The following ASAP1 variants were observed in gnomAD, a reference collection of about 807,000 sequenced individuals.
ASAP1 encodes the protein arf-GAP with SH3 domain, ANK repeat and PH domain-containing protein 1.
A neutral mutation model predicts 145.2 loss-of-function variants in ASAP1; 43 were observed. That is an observed-to-expected ratio of 0.30 (90% CI 0.23 to 0.38). The LOEUF (loss-of-function observed/expected upper bound fraction) is 0.38, where lower values mean the gene tolerates loss of function less well. Among genes scored for constraint, ASAP1 ranks in the 10% least tolerant of loss-of-function variants. The pLI, the probability that ASAP1 is intolerant of heterozygous loss-of-function variation, is 1.00. For synonymous variants in ASAP1, 546 were observed against 515.5 expected (o/e 1.06, Z -0.80); for missense variants, 1,018 against 1,355.3 (o/e 0.75, Z 3.91).
chr8:130,111,516 C>A (rs2097546861), intron 24 of ASAP1, among the ~76,000 whole-genome samples: 1 of 152,150 alleles, frequency 6.6e-6, no homozygotes, highest in Non-Finnish European at 1.5e-5. Flanking sequence ...TCACATGATG[C>A]CAGTAACTGC....
At chr8:130,095,231 A>C (rs1034848544) in intron 24 of ASAP1, among the ~76,000 whole-genome samples, 2 of 151,372 alleles carry the variant, frequency 1.3e-5, no homozygotes, top group African/African-American at 4.9e-5. Context: ...GGTTTCGTGT[A>C]GAGTAAATAT....
chr8:130,091,686 T>C (rs1472306830), intron 25 of ASAP1, among the ~76,000 whole-genome samples: 5 of 152,222 alleles, frequency 3.3e-5, no homozygotes, highest in African/African-American at 1.2e-4. Flanking sequence ...TCTGTTTCCT[T>C]ATATATAAAC....
At chr8:130,085,800 C>A (rs1433063018) in intron 25 of ASAP1, among the ~76,000 whole-genome samples, 1 of 151,336 alleles carries the variant, frequency 6.6e-6, no homozygotes, top group Non-Finnish European at 1.5e-5. Context: ...CATAAATTCC[C>A]TACAAAACCC....
chr8:130,120,832 A>C (rs560724390), intron 18 of ASAP1, among the ~76,000 whole-genome samples: 6 of 152,208 alleles, frequency 3.9e-5, no homozygotes, highest in Non-Finnish European at 7.3e-5. Context: ...CTCAGCCCAT[A>C]GTCCCCTGGC....
chr8:130,287,680 T>A (rs1466665301), intron 3 of ASAP1, among the ~76,000 whole-genome samples: 1 of 152,188 alleles, frequency 6.6e-6, no homozygotes, highest in Non-Finnish European at 1.5e-5. Context: ...GTAAGCCCTA[T>A]CTCACAAGTT....
chr8:130,332,528 T>C (rs1824760687), intron 3 of ASAP1, among the ~76,000 whole-genome samples: 1 of 152,216 alleles, frequency 6.6e-6, no homozygotes, highest in Non-Finnish European at 1.5e-5. Flanking sequence ...TTCCAAAAAT[T>C]TCCTAATCTC....
chr8:130,299,185 A>G (rs1242901802), intron 3 of ASAP1, among the ~76,000 whole-genome samples: 1 of 152,166 alleles, frequency 6.6e-6, no homozygotes, highest in Admixed American at 6.5e-5. Flanking sequence ...AGCGGATAAC[A>G]GTGGCAACGA....
intron 2 of ASAP1, among the ~76,000 whole-genome samples, chr8:130,392,473 A>C (rs1293601450): frequency 2.0e-5 from 3 of 152,262 alleles, no homozygotes; most frequent in Non-Finnish European, 2.9e-5. Flanking sequence ...GTATTTAGTA[A>C]GCACCTAATA....
intron 2 of ASAP1, among the ~76,000 whole-genome samples, chr8:130,385,439 A>G (rs1291355888): frequency 6.6e-6 from 1 of 152,250 alleles, no homozygotes; most frequent in African/African-American, 2.4e-5. Context: ...TGTGAGGCCC[A>G]AAGCCTCCTC....
intron 11 of ASAP1, among the ~76,000 whole-genome samples, chr8:130,166,945 G>A (rs933853571): frequency 7.2e-5 from 11 of 152,212 alleles, no homozygotes; most frequent in African/African-American, 2.7e-4. Context: ...GAGGAAAGTT[G>A]TAGAATGTAC....
chr8:130,151,546 G>A (rs1487641428), intron 13 of ASAP1, among the ~76,000 whole-genome samples: 6 of 152,210 alleles, frequency 3.9e-5, no homozygotes, highest in Admixed American at 3.9e-4. Context: ...TCTCAGCTGG[G>A]CTGTTTGAGG....
intron 25 of ASAP1, 86 bp from the exon 26 acceptor site, chr8:130,080,057 T>C (rs555562548): frequency 1.9e-5 from 23 of 1,215,704 alleles, no homozygotes; most frequent in African/African-American, 1.7e-4. Flanking sequence ...TAGACAGGCA[T>C]TGCTCAGGTT....
At chr8:130,106,058 C>T (rs1316022615) in intron 24 of ASAP1, among the ~76,000 whole-genome samples, 1 of 152,162 alleles carries the variant, frequency 6.6e-6, no homozygotes, top group Non-Finnish European at 1.5e-5. Context: ...TAGAGAGCCT[C>T]AGTCAAGGTC....
At chr8:130,342,051 A>C (rs1825418009) in intron 3 of ASAP1, among the ~76,000 whole-genome samples, 1 of 152,158 alleles carries the variant, frequency 6.6e-6, no homozygotes, top group South Asian at 2.1e-4. Context: ...AACATGGGAG[A>C]GATTTCCTTC....
chr8:130,295,697 T>C (rs759458082), intron 3 of ASAP1, among the ~76,000 whole-genome samples: 18 of 152,124 alleles, frequency 1.2e-4, no homozygotes, highest in African/African-American at 2.2e-4. Flanking sequence ...GTGCATGAGG[T>C]GGACTTAATG....
intron 26 of ASAP1, among the ~76,000 whole-genome samples, chr8:130,076,644 C>T (rs1318559882): frequency 1.3e-5 from 2 of 152,062 alleles, no homozygotes; most frequent in Non-Finnish European, 2.9e-5. Flanking sequence ...CCTCAGCCTC[C>T]TGAGTAGCTG....
intron 3 of ASAP1, among the ~76,000 whole-genome samples, chr8:130,356,418 G>C (rs1028640045): frequency 6.6e-6 from 1 of 152,080 alleles, no homozygotes; most frequent in Admixed American, 6.6e-5. Flanking sequence ...AAATGCTCCT[G>C]TATCAACATG....
chr8:130,401,595 T>C (rs751558473), intron 2 of ASAP1, among the ~76,000 whole-genome samples: 1 of 152,178 alleles, frequency 6.6e-6, no homozygotes, highest in Non-Finnish European at 1.5e-5. Context: ...TAGCACCTTA[T>C]AGTGTTGCTG....
At chr8:130,387,540 G>GAA (rs772010696) in intron 2 of ASAP1, among the ~76,000 whole-genome samples, 13 of 91,454 alleles carry the variant, frequency 1.4e-4, no homozygotes, top group East Asian at 3.4e-4. Context: ...CATCAAGAAA[G>GAA]AAAAAAAAAA....
Sources: gnomAD v4.1 joint callset for allele counts (sites outside exome capture counted in the v4.1 genomes callset) on GRCh38, gnomAD v4.1.1 for gene constraint, MANE v1.5 for transcripts, NCBI Gene and HGNC (gene_info 2026-07-23, HGNC 2026-07-21) for gene names.